The following REEP3 variants were observed in gnomAD, a reference collection of about 807,000 sequenced individuals.
REEP3 encodes the protein receptor accessory protein 3.
In REEP3, 20 loss-of-function variants were observed where a neutral mutation model predicts 41.3. The ratio of observed to expected loss-of-function variants is 0.48; its 90% CI spans 0.34 to 0.70. The LOEUF (loss-of-function observed/expected upper bound fraction) is 0.70. Among genes scored for constraint, REEP3 ranks in the 30% least tolerant of loss-of-function variants. REEP3 has a pLI of 0.01. For synonymous variants in REEP3, 104 were observed against 101.8 expected, an observed-to-expected ratio of 1.02 and a Z score of -0.13; for missense variants, 271 against 308.8, an observed-to-expected ratio of 0.88 and a Z score of 0.92.
intron 1 of REEP3, among the ~76,000 whole-genome samples, chr10:63,548,401 G>GA (rs148335683): frequency 0.045 from 6,842 of 150,798 alleles, 237 homozygotes; most frequent in African/African-American, 0.086. Context: ...TACATTTAAA[G>GA]AAAAAAAAAT....
rs191432481 is a variant in REEP3, at chr10:63,591,862, C to T, written c.106-2916C>T. On this transcript the variant is annotated intron_variant, in intron 2 of 7. Transcript: ENST00000373758. ...CGTCTGTACAGTCCTTTTGCCTCTA[C>T]TCAACCCTATTAACAAGTAAATTAA... Among the ~76,000 whole-genome samples the T allele has an allele frequency of 3.9e-3, 601 of 152,310 alleles. 1 individual carries two copies. Among genetic ancestry groups the T allele is most frequent in the Non-Finnish European group, 6.6e-3 (449 of 68,040 alleles).
chr10:63,564,021 G>A (rs1955771980), intron 1 of REEP3, among the ~76,000 whole-genome samples: 1 of 152,114 alleles, frequency 6.6e-6, no homozygotes, highest in African/African-American at 2.4e-5. Context: ...TGCTATCCTA[G>A]AATAGAGAAA....
intron 1 of REEP3, among the ~76,000 whole-genome samples, chr10:63,556,331 A>G (rs1955679259): frequency 6.6e-6 from 1 of 151,656 alleles, no homozygotes; most frequent in Non-Finnish European, 1.5e-5. Flanking sequence ...CATGTTGGTC[A>G]GGCTGGTCTC....
intron 1 of REEP3, among the ~76,000 whole-genome samples, chr10:63,533,343 T>G (rs1955441999): frequency 6.6e-6 from 1 of 152,316 alleles, no homozygotes; most frequent in East Asian, 1.9e-4. Context: ...AATAGAATAT[T>G]TGGTGATATT....
intron 1 of REEP3, among the ~76,000 whole-genome samples, chr10:63,559,809 TAGAA>T (rs1388869090): frequency 6.6e-6 from 1 of 152,160 alleles, no homozygotes; most frequent in Non-Finnish European, 1.5e-5. Flanking sequence ...TTAATAATCA[TAGAA>T]AGATTGTTCG....
chr10:63,521,805 A>ACGGCGGCGG (rs960809548), intron 1 of REEP3: 1 of 288,898 alleles, frequency 3.5e-6, no homozygotes, highest in African/African-American at 2.3e-5. Flanking sequence ...TGCGGCTGCG[A>ACGGCGGCGG]CGGCGGCGGC....
At chr10:63,537,935 G>T (rs1393396632) in intron 1 of REEP3, among the ~76,000 whole-genome samples, 1 of 151,928 alleles carries the variant, frequency 6.6e-6, no homozygotes, top group African/African-American at 2.4e-5. Context: ...TACATAGATA[G>T]CCACTTAAAA....
Position 63,547,070 on chromosome 10 carries a change from C to T in REEP3, c.33-19268C>T, listed in dbSNP as rs182050637. Among the ~76,000 whole-genome samples the T allele has an allele frequency of 6.1e-3, 920 of 151,658 alleles. 3 individuals carry two copies. The highest frequency in any genetic ancestry group is 0.011 in the Admixed American group (164 of 15,214). ...CCAAGTAGCTGGGATTACAGGCGCC[C>T]GCCACCATGCCCAGCTAATTTTTGT... On this transcript the variant is annotated intron_variant, in intron 1 of 7. Transcript: ENST00000373758.
intron 1 of REEP3, 142 bp downstream of exon 1, chr10:63,521,719 G>A: frequency 2.2e-6 from 1 of 457,928 alleles, no homozygotes; most frequent in Non-Finnish European, 3.5e-6. Flanking sequence ...GGGTCTGGGG[G>A]AGCCCTCGGC....
At chr10:63,620,357 T>C (rs1394810153) in intron 7 of REEP3, among the ~76,000 whole-genome samples, 1 of 152,206 alleles carries the variant, frequency 6.6e-6, no homozygotes, top group African/African-American at 2.4e-5. Flanking sequence ...GCAAATCACA[T>C]AGTTCAAATA....
intron 3 of REEP3, among the ~76,000 whole-genome samples, chr10:63,595,582 T>C (rs2133406488): frequency 6.6e-6 from 1 of 152,248 alleles, no homozygotes; most frequent in East Asian, 1.9e-4. Context: ...GTCTTTTTTT[T>C]CTTTTTTTTT....
At chr10:63,524,437 T>G (rs1955338848) in intron 1 of REEP3, among the ~76,000 whole-genome samples, 1 of 151,798 alleles carries the variant, frequency 6.6e-6, no homozygotes, top group African/African-American at 2.4e-5. Flanking sequence ...TGGACACCAC[T>G]CTTTTTTTTT....
intron 2 of REEP3, among the ~76,000 whole-genome samples, chr10:63,577,534 C>T (rs984573347): frequency 3.9e-5 from 6 of 152,116 alleles, no homozygotes; most frequent in African/African-American, 1.4e-4. Context: ...TGCGATCCTC[C>T]CTCCTTGGCC....
intron 5 of REEP3, among the ~76,000 whole-genome samples, chr10:63,609,731 G>A (rs915067720): frequency 9.2e-5 from 14 of 152,222 alleles, no homozygotes; most frequent in African/African-American, 3.4e-4. Flanking sequence ...CTGCATTCCA[G>A]CCTGGGCAAC....
intron 1 of REEP3, among the ~76,000 whole-genome samples, chr10:63,526,023 G>A (rs979161009): frequency 6.6e-6 from 1 of 152,140 alleles, no homozygotes; most frequent in Non-Finnish European, 1.5e-5. Context: ...GCTAGTAGTA[G>A]TTATCAGAAA....
chr10:63,526,816 TTCTC>T (rs1955369086), intron 1 of REEP3, among the ~76,000 whole-genome samples: 1 of 152,152 alleles, frequency 6.6e-6, no homozygotes. Flanking sequence ...GCAAATGTGT[TTCTC>T]AATCTAATTT....
At chr10:63,598,167 G>A (rs369960048) in intron 4 of REEP3, 23 bp downstream of exon 4, 178 of 1,526,726 alleles carry the variant, frequency 1.2e-4, no homozygotes, top group African/African-American at 1.5e-4. Flanking sequence ...AATTACTTCC[G>A]TAAATAATTT....
chr10:63,552,371 C>T (rs1955637569), intron 1 of REEP3, among the ~76,000 whole-genome samples: 1 of 152,028 alleles, frequency 6.6e-6, no homozygotes, highest in African/African-American at 2.4e-5. Context: ...AGATTTTGCC[C>T]CTGCACTCCA....
At chr10:63,595,553 A>G (rs2133406435) in intron 3 of REEP3, among the ~76,000 whole-genome samples, 1 of 151,324 alleles carries the variant, frequency 6.6e-6, no homozygotes, top group South Asian at 2.1e-4. Flanking sequence ...TTCTGTCTAA[A>G]TTAGCCTAAC....
Sources: allele counts gnomAD v4.1 joint callset (sites outside exome capture counted in the v4.1 genomes callset), GRCh38; gene constraint gnomAD v4.1.1; transcripts MANE v1.5; gene names NCBI Gene and HGNC (gene_info 2026-07-23, HGNC 2026-07-21).